The following ADAMTSL1 variants were observed in gnomAD, a reference collection of about 807,000 sequenced individuals.
The protein encoded by ADAMTSL1 is ADAMTS-like protein 1.
ADAMTSL1 carries 126 observed loss-of-function variants against 201.8 expected under a neutral mutation model. The observed-to-expected ratio is 0.62, with a 90% CI of 0.54 to 0.72. The LOEUF (loss-of-function observed/expected upper bound fraction) is 0.72, where lower values mean the gene tolerates loss of function less well. ADAMTSL1 is among the 30% of genes least tolerant of loss of function. The probability of loss-of-function intolerance (pLI) is 0.00; values close to 1 mark genes in which losing one functional copy is unlikely to be tolerated. For synonymous variants in ADAMTSL1, 1,121 were observed against 903.4 expected (o/e 1.24, Z -4.32); for missense variants, 2,679 against 2,277.8 (o/e 1.18, Z -3.59).
At position 18,834,230 on chromosome 9, in the gene ADAMTSL1, G is replaced by T. The variant is rs757339815; in HGVS notation, c.4249+4253G>T. On this transcript the variant is annotated intron_variant, in intron 23 of 28. Coordinates refer to ENST00000380548, the MANE Select transcript of ADAMTSL1 (RefSeq NM_001040272.6). ...TTTTCCTAGTTCTGTGAAAAATGTC[G>T]TTGATAGTTTAATAGGAATAACATT... 5.9e-5 allele frequency among the ~76,000 whole-genome samples: 9 copies of T among 152,052 alleles called. 1 individual carries two copies. The highest frequency in any genetic ancestry group is 2.2e-4 in the African/African-American group (9 of 41,406).
chr9:18,695,645 A>G (rs934482966), intron 13 of ADAMTSL1, among the ~76,000 whole-genome samples: 4 of 152,204 alleles, frequency 2.6e-5, no homozygotes, highest in Non-Finnish European at 4.4e-5. Context: ...TTCATTGTCC[A>G]TATCACTAGC....
intron 1 of ADAMTSL1, among the ~76,000 whole-genome samples, chr9:17,925,215 A>G (rs199909441): frequency 6.9e-5 from 8 of 116,628 alleles, no homozygotes; most frequent in South Asian, 6.5e-4. Context: ...ACAGGTGCTG[A>G]AGAGGATGTG....
chr9:18,104,583 C>T (rs2131858952), intron 1 of ADAMTSL1, among the ~76,000 whole-genome samples: 1 of 152,074 alleles, frequency 6.6e-6, no homozygotes, highest in East Asian at 1.9e-4. Context: ...ACTGCAGACT[C>T]CAAAAGGCAG....
At chr9:18,582,326 G>T (rs2132418697) in intron 4 of ADAMTSL1, among the ~76,000 whole-genome samples, 1 of 152,290 alleles carries the variant, frequency 6.6e-6, no homozygotes, top group Admixed American at 6.5e-5. Context: ...AAACCAGGCT[G>T]TAGTCATCCA....
intron 1 of ADAMTSL1, among the ~76,000 whole-genome samples, chr9:18,148,907 G>C (rs1826777436): frequency 6.6e-6 from 1 of 152,064 alleles, no homozygotes; most frequent in African/African-American, 2.4e-5. Context: ...TTACACTTTA[G>C]ACCCTTTCCT....
At chr9:17,912,275 G>T (rs75212402) in intron 1 of ADAMTSL1, among the ~76,000 whole-genome samples, 1 of 66,274 alleles carries the variant, frequency 1.5e-5, no homozygotes, top group African/African-American at 3.0e-5. Flanking sequence ...ACTTCCACAA[G>T]GGTTGAACTA....
At chr9:18,801,337 A>AACTT (rs1822786439) in intron 20 of ADAMTSL1, among the ~76,000 whole-genome samples, 1 of 152,246 alleles carries the variant, frequency 6.6e-6, no homozygotes, top group Non-Finnish European at 1.5e-5. Context: ...TTATTTAGCA[A>AACTT]ACTTATATAG....
At chr9:18,547,297 A>G (rs1216553793) in intron 3 of ADAMTSL1, among the ~76,000 whole-genome samples, 1 of 151,962 alleles carries the variant, frequency 6.6e-6, no homozygotes, top group Non-Finnish European at 1.5e-5. Context: ...ATCTATTAAT[A>G]TCTTAATATC....
At chr9:18,650,956 A>G (rs1005065227) in intron 7 of ADAMTSL1, among the ~76,000 whole-genome samples, 1 of 152,258 alleles carries the variant, frequency 6.6e-6, no homozygotes, top group African/African-American at 2.4e-5. Flanking sequence ...GAGATAATGT[A>G]TATAAAAGTG....
chr9:18,677,593 A>G lies in ADAMTSL1; in HGVS notation c.1136+1686A>G, dbSNP rs77455526. Among the ~76,000 whole-genome samples, 28 of 152,110 alleles carry G rather than the reference A, an allele frequency of 1.8e-4. No homozygotes were observed. In the East Asian group the frequency reaches 3.7e-3, roughly 20 times the overall value. ...TTTTTCCTGTAAAGGCAACTCCTAGATTTCTGTTTTATCTGTGATCTCTCT... is the reference window on the plus strand; with the variant it reads ...TTTTTCCTGTAAAGGCAACTCCTAGGTTTCTGTTTTATCTGTGATCTCTCT... On this transcript the variant is annotated intron_variant, in intron 10 of 28. Coordinates refer to ENST00000380548, the MANE Select transcript of ADAMTSL1 (RefSeq NM_001040272.6).
chr9:18,446,307 T>A (rs1257643725), intron 2 of ADAMTSL1, among the ~76,000 whole-genome samples: 1 of 152,160 alleles, frequency 6.6e-6, no homozygotes, highest in Non-Finnish European at 1.5e-5. Context: ...GGGAAAAAAA[T>A]GTTGACATAA....
At chr9:18,820,526 C>G (rs1470806468) in intron 21 of ADAMTSL1, among the ~76,000 whole-genome samples, 2 of 152,226 alleles carry the variant, frequency 1.3e-5, no homozygotes, top group East Asian at 3.8e-4. Flanking sequence ...TTTTATCCTG[C>G]TTTATTTCCT....
intron 9 of ADAMTSL1, among the ~76,000 whole-genome samples, chr9:18,674,543 C>T (rs1420167469): frequency 6.6e-6 from 1 of 152,060 alleles, no homozygotes; most frequent in Non-Finnish European, 1.5e-5. Context: ...TCACGGCTCA[C>T]TGTTTCTACC....
At chr9:18,474,358 T>A in intron 1 of ADAMTSL1, 63 bp downstream of exon 1, 3 of 1,468,440 alleles carry the variant, frequency 2.0e-6, no homozygotes, top group Middle Eastern at 1.7e-4. Flanking sequence ...GTTGGGGGTG[T>A]GTGTGTGTAT....
At chr9:18,049,024 G>T (rs1821799866) in intron 1 of ADAMTSL1, among the ~76,000 whole-genome samples, 1 of 152,100 alleles carries the variant, frequency 6.6e-6, no homozygotes, top group South Asian at 2.1e-4. Flanking sequence ...GTCATTCATG[G>T]TGTTTCTTGG....
intron 2 of ADAMTSL1, among the ~76,000 whole-genome samples, chr9:18,272,608 T>G (rs1832422432): frequency 6.6e-6 from 1 of 152,202 alleles, no homozygotes; most frequent in Non-Finnish European, 1.5e-5. Context: ...ATTTAAACAG[T>G]GAAGGCAGGT....
intron 1 of ADAMTSL1, among the ~76,000 whole-genome samples, chr9:18,062,280 C>T (rs2131702729): frequency 6.6e-6 from 1 of 152,214 alleles, no homozygotes; most frequent in East Asian, 1.9e-4. Flanking sequence ...TCATTTTATG[C>T]AGATCTTTTC....
intron 4 of ADAMTSL1, among the ~76,000 whole-genome samples, chr9:18,602,331 C>T (rs1051655895): frequency 4.6e-5 from 7 of 152,340 alleles, no homozygotes; most frequent in East Asian, 1.9e-4. Context: ...CTGCTGCAAA[C>T]ATGAGCCTCC....
intron 2 of ADAMTSL1, among the ~76,000 whole-genome samples, chr9:18,290,923 A>T (rs1833233643): frequency 6.6e-6 from 1 of 151,986 alleles, no homozygotes; most frequent in East Asian, 1.9e-4. Flanking sequence ...CTGGGACTAC[A>T]GGTGCCTGCC....
Sources: gnomAD v4.1 joint callset for allele counts (sites outside exome capture counted in the v4.1 genomes callset) on GRCh38, gnomAD v4.1.1 for gene constraint, MANE v1.5 for transcripts, NCBI Gene and HGNC (gene_info 2026-07-23, HGNC 2026-07-21) for gene names.